The following KMT2D variants were observed in gnomAD, a reference collection of about 807,000 sequenced individuals.
KMT2D encodes the protein histone-lysine N-methyltransferase 2D.
A neutral mutation model predicts 512.7 loss-of-function variants in KMT2D; 55 were observed. The observed-to-expected ratio is 0.11, with a 90% CI of 0.09 to 0.13. The LOEUF (loss-of-function observed/expected upper bound fraction) is 0.13. KMT2D is among the 10% of genes least tolerant of loss of function. The probability of loss-of-function intolerance (pLI) is 1.00; values close to 1 mark genes in which losing one functional copy is unlikely to be tolerated. For synonymous variants in KMT2D, 2,995 were observed against 2,904.0 expected (o/e 1.03, Z -1.01); for missense variants, 6,061 against 7,127.9 (o/e 0.85, Z 5.39).
At chr12:49,036,646 G>A (rs754554800) in intron 35 of KMT2D, among the ~76,000 whole-genome samples, 3 of 151,750 alleles carry the variant, frequency 2.0e-5, no homozygotes, top group South Asian at 2.1e-4. Flanking sequence ...GCACCACCGC[G>A]CCCGGCTCAC....
chr12:49,051,242 T>C lies in KMT2D; in HGVS notation c.2441A>G (p.His814Arg). 2 of 1,471,140 alleles carry C rather than the reference T, an allele frequency of 1.4e-6. No homozygotes were observed. Among genetic ancestry groups the C allele is most frequent in the African/African-American group, 1.6e-5 (1 of 63,546 alleles). The allele number at this position is 1,471,140 out of a possible 1,614,324, so 91.1% of individuals were successfully genotyped here. A position where few individuals can be genotyped will look rare whatever the true frequency, so the allele number is the denominator to read the frequency against. The change falls in exon 11 of 55, where the codon CAC becomes CGC. Residue 814 changes from histidine (H) to arginine (R), a missense_variant. This residue lies in a region of KMT2D where 848 missense variants were observed against 838.5 expected (regional missense o/e 1.01). Transcript: ENST00000301067. ...TGGCTCCTCAGGCACAGGAGACAGGTGCGGCTCCTCAGTCTGGGGGGACAG... is the reference window on the plus strand; with the variant it reads ...TGGCTCCTCAGGCACAGGAGACAGGCGCGGCTCCTCAGTCTGGGGGGACAG... ...LHLSPQTEEP[H>R]LSPVPEEPCL...
chr12:49,026,021 AC>A lies in KMT2D; in HGVS notation c.15784+160del, dbSNP rs1322470497. 1.3e-5 allele frequency among the ~76,000 whole-genome samples: 2 copies of A among 152,200 alleles called. No homozygotes were observed. Among genetic ancestry groups the A allele is most frequent in the East Asian group, 1.9e-4 (1 of 5,200 alleles). On this transcript the variant is annotated intron_variant, in intron 49 of 54. Transcript: ENST00000301067. This position sits in a 1 kb window ranked among gnomAD's most constrained non-coding sequence, Gnocchi z 9.6. Reference sequence around the variant, plus strand: ...TTAGGGTGACAAGAGAGGCTCAAACACTTTCACTGGGAGTTTTCAAGAGACC... The same window carrying A: ...TTAGGGTGACAAGAGAGGCTCAAACATTTCACTGGGAGTTTTCAAGAGACC...
chr12:49,031,399 T>G lies in KMT2D; in HGVS notation c.13306A>C (p.Asn4436His). 6.2e-7 allele frequency: 1 copy of G among 1,613,678 alleles called. No individual in the cohort carries two copies. The highest frequency in any genetic ancestry group is 8.5e-7 in the Non-Finnish European group (1 of 1,179,878). ...CCTGGTGCCCCTATTGGCTCCCCAT[T>G]GGCCTCCCTCTTCACTGACTGGGCT... ...LGAQSVKREA[N>H]GEPIGAPGTS... The change falls in exon 40 of 55, where the codon AAT becomes CAT. Residue 4436 changes from asparagine (N) to histidine (H), a missense_variant. Around this residue, in one of 16 missense-constraint regions of KMT2D, gnomAD observed 1,600 missense variants for 1,754.9 expected, o/e 0.91. Coordinates refer to ENST00000301067, the MANE Select transcript of KMT2D (RefSeq NM_003482.4).
chr12:49,054,265 A>G lies in KMT2D; in HGVS notation c.510+42T>C. On this transcript the variant is annotated intron_variant, in intron 5 of 54. Coordinates refer to ENST00000301067, the MANE Select transcript of KMT2D (RefSeq NM_003482.4). This position sits in a 1 kb window ranked among gnomAD's most constrained non-coding sequence, Gnocchi z 6.4. ...CCAACCTGACTCTCAGAAGCCCACC[A>G]GCCCTGCCCTTCACCTATGCAATCC... 2 of 1,548,042 alleles carry G rather than the reference A, an allele frequency of 1.3e-6. No homozygotes were observed. The highest frequency in any genetic ancestry group is 1.8e-6 in the Non-Finnish European group (2 of 1,141,798).
rs1943481589 is a variant in KMT2D at position 49,040,858 on chromosome 12, C to G, written c.6912G>C (p.Leu2304=). ...ASSPSYGPPN[L]GFVDSPSSGT... Reference sequence around the variant, plus strand: ...CTGAGGAGGGTGAGTCAACAAAGCCCAGGTTTGGGGGCCCATAGCTAGGAG... The same window carrying G: ...CTGAGGAGGGTGAGTCAACAAAGCCGAGGTTTGGGGGCCCATAGCTAGGAG... Residue 2304 remains leucine, a synonymous_variant, in exon 32 of 55, where the codon CTG becomes CTC. Coordinates refer to ENST00000301067, the MANE Select transcript of KMT2D (RefSeq NM_003482.4). 1 of 1,613,770 alleles carries G rather than the reference C, an allele frequency of 6.2e-7. No individual in the cohort carries two copies. The highest frequency in any genetic ancestry group is 1.3e-5 in the African/African-American group (1 of 75,018).
In KMT2D at chr12:49,044,732, C is replaced by A. The variant is rs751705525; in HGVS notation, c.4963+12G>T. The A allele has an allele frequency of 6.2e-7, 1 of 1,608,020 alleles. No individual in the cohort carries two copies. ...CCCTACTCTGCCGCTCCCTAAGATT[C>A]CCCAAGCTAACCTTCACCCTTGAGC... On this transcript the variant is annotated intron_variant, in intron 20 of 54. Coordinates refer to ENST00000301067, the MANE Select transcript of KMT2D (RefSeq NM_003482.4). The surrounding 1 kb of genome is among the most constrained non-coding windows in gnomAD (Gnocchi z 6.4).
In KMT2D at chr12:49,032,812, G is replaced by C; in HGVS notation, c.11893C>G (p.Gln3965Glu). ...LQQQQQQQQQ[Q>E]FQQQQQQQQM... is the part of the protein sequence containing the mutation. ...TGCTGTTGCTGCTGCTGTTGAAACT[G>C]CTGCTGTTGTTGTTGCTGTTGCTGT... Residue 3965 changes from glutamine (Q) to glutamate (E), a missense_variant, in exon 40 of 55, where the codon CAG becomes GAG. Physicochemically the swap from Gln to Glu is conservative, Grantham distance 29 (BLOSUM62 2). Transcript: ENST00000301067. 6.4e-7 allele frequency: 1 copy of C among 1,551,450 alleles called. No homozygotes were observed. The highest frequency in any genetic ancestry group is 8.7e-7 in the Non-Finnish European group (1 of 1,147,202).
intron 35 of KMT2D, chr12:49,035,659 A>C (rs1244400915): frequency 2.0e-5 from 3 of 152,226 alleles, no homozygotes; most frequent in African/African-American, 7.2e-5. Context: ...TCCTGGGTTC[A>C]AGCGATTCTC....
intron 43 of KMT2D, among the ~76,000 whole-genome samples, 154 bp downstream of exon 43, chr12:49,030,126 C>A (rs1479014015): frequency 6.6e-6 from 1 of 152,190 alleles, no homozygotes; most frequent in Non-Finnish European, 1.5e-5. Context: ...CCCAAGAAAT[C>A]AGTCCTGAAA....
In KMT2D at chr12:49,050,491, C is replaced by A. The variant is rs1382796110; in HGVS notation, c.3097G>T (p.Val1033Phe). The A allele has an allele frequency of 1.9e-6, 3 of 1,612,932 alleles. No homozygotes were observed. The highest frequency in any genetic ancestry group is 2.5e-6 in the Non-Finnish European group (3 of 1,179,132). ...QCSPLLQHSL[V>F]PQNSPPSQCS... ...TGGGAAGGAGGGGAGTTTTGGGGAA[C>A]CAGGGAATGCTGAAGGAGTGGCGAA... The change falls in exon 12 of 55, where the codon GTT becomes TTT. Residue 1033 changes from valine to phenylalanine, a missense_variant. This residue lies in a region of KMT2D where 447 missense variants were observed against 500.1 expected (regional missense o/e 0.89). Transcript: ENST00000301067.
In KMT2D at chr12:49,049,893, G is replaced by A. The variant is rs1208909878; in HGVS notation, c.3695C>T (p.Pro1232Leu). 21 of 1,613,768 alleles carry A rather than the reference G, an allele frequency of 1.3e-5. No homozygotes were observed. Among genetic ancestry groups the A allele is most frequent in the South Asian group, 3.3e-5 (3 of 91,086 alleles). The change falls in exon 12 of 55, where the codon CCG (proline) becomes CTG (leucine). Residue 1232 changes from proline to leucine, a missense_variant. Physicochemically the swap from Pro to Leu is moderately conservative, Grantham distance 98. Around this residue, in one of 16 missense-constraint regions of KMT2D, gnomAD observed 447 missense variants for 500.1 expected, o/e 0.89. Coordinates refer to ENST00000301067, the MANE Select transcript of KMT2D (RefSeq NM_003482.4). Reference protein sequence around the residue: ...GSEPLLGSPDPEGGGSLSMEL... With the variant: ...GSEPLLGSPDLEGGGSLSMEL... ...CATGGACAGGGAGCCACCCCCCTCC[G>A]GGTCTGGAGAGCCCAGGAGGGGCTC...
chr12:49,039,953 C>T lies in KMT2D; in HGVS notation c.7817G>A (p.Gly2606Glu), dbSNP rs944317984. ...CGACGGAGGGCGTAGTGGGGACAGC[C>T]CATAGCTCTCCCCTGTGGACCCGCT... Reference protein sequence around the residue: ...PSSGSTGESYGLSPLRPPSVL... With the variant: ...PSSGSTGESYELSPLRPPSVL... Residue 2606 changes from glycine to glutamate, a missense_variant, in exon 32 of 55, where the codon GGG (glycine) becomes GAG (glutamate). This residue lies in a region of KMT2D where 527 missense variants were observed against 578.9 expected (regional missense o/e 0.91). Transcript: ENST00000301067. The surrounding 1 kb of genome is among the most constrained non-coding windows in gnomAD (Gnocchi z 5.0). The T allele has an allele frequency of 5.0e-6, 8 of 1,613,780 alleles. No individual in the cohort carries two copies. Among genetic ancestry groups the T allele is most frequent in the Non-Finnish European group, 5.9e-6 (7 of 1,179,834 alleles).
Position 49,032,672 on chromosome 12 carries a change from G to A in KMT2D, c.12033C>T (p.Ser4011=), listed in dbSNP as rs754511371. The change falls in exon 40 of 55, where the codon AGC becomes AGT. Residue 4011 remains serine (S), a synonymous_variant. Coordinates refer to ENST00000301067, the MANE Select transcript of KMT2D (RefSeq NM_003482.4). ...GGAGGGTTGGACCCAGGGCTCCAGG[G>A]CTAGAAAAGTGTTGAAGAGGCTTTG... ...MPAKPLQHFS[S]PGALGPTLLL... is the part of the protein sequence containing the mutation. 1.2e-6 allele frequency: 2 copies of A among 1,613,826 alleles called. No homozygotes were observed. Among genetic ancestry groups the A allele is most frequent in the South Asian group, 2.2e-5 (2 of 91,050 alleles).
rs2120393981 is a variant in KMT2D at position 49,029,206 on chromosome 12, A to G, written c.14106T>C (p.Pro4702=). The G allele has an allele frequency of 6.2e-7, 1 of 1,613,904 alleles. No homozygotes were observed. The highest frequency in any genetic ancestry group is 8.5e-7 in the Non-Finnish European group (1 of 1,179,780). ...RMESDEDSDS[P]DSIVPASSPE... ...GGGATGAAGCTGGCACAATGCTGTC[A>G]GGAGAATCGCTATCCTCATCACTCT... Residue 4702 remains proline, a synonymous_variant, in exon 45 of 55, where the codon CCT becomes CCC. Transcript: ENST00000301067.
Position 49,022,415 on chromosome 12 carries a change from T to C in KMT2D, c.16339-62A>G. The C allele has an allele frequency of 6.5e-7, 1 of 1,546,034 alleles. No individual in the cohort carries two copies. The highest frequency in any genetic ancestry group is 1.4e-5 in the African/African-American group (1 of 73,774). On this transcript the variant is annotated intron_variant, in intron 52 of 54. Coordinates refer to ENST00000301067, the MANE Select transcript of KMT2D (RefSeq NM_003482.4). This position sits in a 1 kb window ranked among gnomAD's most constrained non-coding sequence, Gnocchi z 8.6. The stretch of plus-strand genomic sequence containing the variant: ...TATCAGAGAGTGGCAGTGGTGGCTG[T>C]GGGATCAGGTAGGAGACTCAGGCAG...
rs1937951267 is a variant in KMT2D at position 49,051,081 on chromosome 12, G to C, written c.2602C>G (p.Pro868Ala). 6.6e-7 allele frequency: 1 copy of C among 1,524,562 alleles called. No homozygotes were observed. The highest frequency in any genetic ancestry group is 2.3e-5 in the East Asian group (1 of 44,142). 94.4% of individuals were successfully genotyped at this position (1,524,562 alleles called of 1,614,324 possible). A position where few individuals can be genotyped will look rare whatever the true frequency, so the allele number is the denominator to read the frequency against. Reference protein sequence around the residue: ...PPLSPRPEKPPEEPGQCPAPE... With the variant: ...PPLSPRPEKPAEEPGQCPAPE... ...GCAGGGCATTGGCCTGGCTCCTCAGGGGGCTTTTCAGGCCGAGGGGACAGG... is the reference window on the plus strand; with the variant it reads ...GCAGGGCATTGGCCTGGCTCCTCAGCGGGCTTTTCAGGCCGAGGGGACAGG... Residue 868 changes from proline (P) to alanine (A), a missense_variant, in exon 11 of 55, where the codon CCT (proline) becomes GCT (alanine). Transcript: ENST00000301067.
rs201048945 is a variant in KMT2D at position 49,031,224 on chromosome 12, T to G, written c.13481A>C (p.Lys4494Thr). The change falls in exon 40 of 55, where the codon AAG becomes ACG. Residue 4494 changes from lysine (K) to threonine (T), a missense_variant. Coordinates refer to ENST00000301067, the MANE Select transcript of KMT2D (RefSeq NM_003482.4). ...RAEINGHIDSKLAGLEQKLQG... is the reference protein window; with the variant it reads ...RAEINGHIDSTLAGLEQKLQG... ...TAGTTTCTGCTCCAGCCCAGCCAGCTTGCTGTCAATGTGCCCGTTGATCTC... is the reference window on the plus strand; with the variant it reads ...TAGTTTCTGCTCCAGCCCAGCCAGCGTGCTGTCAATGTGCCCGTTGATCTC... The G allele has an allele frequency of 5.0e-6, 8 of 1,612,512 alleles. No individual in the cohort carries two copies. In the East Asian group the frequency reaches 1.8e-4, roughly 36 times the overall value.
In KMT2D at chr12:49,050,116, C is replaced by T. The variant is rs199933192; in HGVS notation, c.3472G>A (p.Glu1158Lys). 5.6e-6 allele frequency: 9 copies of T among 1,613,440 alleles called. No individual in the cohort carries two copies. The highest frequency in any genetic ancestry group is 2.2e-5 in the East Asian group (1 of 44,862). ...LKGSPVLLDPEELAPVTPMEV... is the reference protein window; with the variant it reads ...LKGSPVLLDPKELAPVTPMEV... ...ATAGGGGTCACAGGGGCCAGCTCCT[C>T]GGGGTCCAGGAGCACAGGGGAGCCT... Residue 1158 changes from glutamate (E) to lysine (K), a missense_variant, in exon 12 of 55, where the codon GAG becomes AAG. Physicochemically the swap from Glu to Lys is moderately conservative, Grantham distance 56. This residue lies in a region of KMT2D where 447 missense variants were observed against 500.1 expected (regional missense o/e 0.89). Coordinates refer to ENST00000301067, the MANE Select transcript of KMT2D (RefSeq NM_003482.4).
chr12:49,044,241 G>A lies in KMT2D; in HGVS notation c.5147C>T (p.Ala1716Val), dbSNP rs552418825. 1.2e-6 allele frequency: 2 copies of A among 1,612,466 alleles called. No individual in the cohort carries two copies. Among genetic ancestry groups the A allele is most frequent in the East Asian group, 2.2e-5 (1 of 44,882 alleles). Residue 1716 changes from alanine (A) to valine (V), a missense_variant, in exon 22 of 55, where the codon GCA becomes GTA. Around this residue, in one of 16 missense-constraint regions of KMT2D, gnomAD observed 640 missense variants for 814.3 expected, o/e 0.79. Transcript: ENST00000301067. The surrounding 1 kb of genome is among the most constrained non-coding windows in gnomAD (Gnocchi z 6.4). ...SHTRTKKGPA[A>V]QAEVLSGDGQ... ...ATCCCCACTCAACACCTCCGCCTGT[G>A]CAGCAGGCCCCTTTTTCGTGCGTGT...
Sources: allele counts gnomAD v4.1 joint callset (sites outside exome capture counted in the v4.1 genomes callset), GRCh38; gene constraint gnomAD v4.1.1; regional missense constraint gnomAD v4.1.1; non-coding constraint Gnocchi (gnomAD v3.1); transcripts MANE v1.5; gene names NCBI Gene and HGNC (gene_info 2026-07-23, HGNC 2026-07-21).